SPTLC3: variants seen among roughly 807,000 people sequenced by gnomAD.
The protein encoded by SPTLC3 is serine palmitoyltransferase 3.
A neutral mutation model predicts 59.3 loss-of-function variants in SPTLC3; 36 were observed. The ratio of observed to expected loss-of-function variants is 0.61; its 90% CI spans 0.47 to 0.80. The LOEUF is 0.80. SPTLC3 is among the 30% of genes least tolerant of loss of function. The pLI is 0.00. For synonymous variants in SPTLC3, 257 were observed against 240.8 expected (o/e 1.07, Z -0.62); for missense variants, 625 against 685.1 (o/e 0.91, Z 0.98).
chr20:13,109,671 C>G (rs963606233), intron 6 of SPTLC3, among the ~76,000 whole-genome samples: 6 of 152,152 alleles, frequency 3.9e-5, no homozygotes, highest in African/African-American at 1.4e-4. Flanking sequence ...AATCAAGGCT[C>G]AAAGTGTAGG....
intron 1 of SPTLC3, among the ~76,000 whole-genome samples, chr20:13,013,362 G>A (rs980446158): frequency 1.3e-5 from 2 of 152,152 alleles, no homozygotes; most frequent in Admixed American, 6.6e-5. Context: ...CCTGACAGCC[G>A]TGGTAAGTAC....
intron 9 of SPTLC3, among the ~76,000 whole-genome samples, chr20:13,127,851 G>A (rs2038030464): frequency 6.6e-6 from 1 of 152,126 alleles, no homozygotes; most frequent in African/African-American, 2.4e-5. Context: ...CCTTTTCGGT[G>A]TTATGACTCT....
intron 1 of SPTLC3, among the ~76,000 whole-genome samples, chr20:13,026,535 G>A (rs1293242132): frequency 6.6e-6 from 1 of 152,146 alleles, no homozygotes; most frequent in Non-Finnish European, 1.5e-5. Context: ...TTTGAGAAGT[G>A]TCTGTTCGTG....
At chr20:13,147,876 A>T (rs534827394) in intron 9 of SPTLC3, among the ~76,000 whole-genome samples, 1 of 152,338 alleles carries the variant, frequency 6.6e-6, no homozygotes, top group South Asian at 2.1e-4. Context: ...TAGTAAAATA[A>T]GTCATCCCAT....
At chr20:13,048,919 C>G in intron 1 of SPTLC3, 26 bp from the exon 2 acceptor site, 1 of 1,526,540 alleles carries the variant, frequency 6.6e-7, no homozygotes, top group South Asian at 1.4e-5. Context: ...AGAATGCTAA[C>G]CTTGGATTTT....
chr20:13,130,565 C>A (rs534146969), intron 9 of SPTLC3, among the ~76,000 whole-genome samples: 1 of 152,356 alleles, frequency 6.6e-6, no homozygotes, highest in East Asian at 1.9e-4. Context: ...AGTGAAATGA[C>A]AATGTTTATG....
At chr20:13,109,483 T>TA (rs1250064125) in intron 6 of SPTLC3, among the ~76,000 whole-genome samples, 1 of 152,190 alleles carries the variant, frequency 6.6e-6, no homozygotes, top group Non-Finnish European at 1.5e-5. Context: ...AGATGGTTCT[T>TA]ATGAGGATTA....
intron 11 of SPTLC3, among the ~76,000 whole-genome samples, chr20:13,162,368 A>C (rs1481265698): frequency 6.6e-6 from 1 of 152,184 alleles, no homozygotes; most frequent in African/African-American, 2.4e-5. Flanking sequence ...ACAACTTCTT[A>C]ATTGCTGCAA....
At chr20:13,052,241 G>A (rs1013076642) in intron 2 of SPTLC3, among the ~76,000 whole-genome samples, 3 of 152,080 alleles carry the variant, frequency 2.0e-5, no homozygotes, top group Non-Finnish European at 2.9e-5. Context: ...AGCAGGGTGC[G>A]GCACTGCCTC....
chr20:13,067,972 C>A (rs1019834784), intron 2 of SPTLC3, among the ~76,000 whole-genome samples: 1 of 152,166 alleles, frequency 6.6e-6, no homozygotes, highest in Admixed American at 6.5e-5. Context: ...TGGATATGCT[C>A]TTTTCACTTT....
intron 4 of SPTLC3, among the ~76,000 whole-genome samples, chr20:13,086,408 G>A (rs1176369482): frequency 6.6e-6 from 1 of 152,168 alleles, no homozygotes; most frequent in Non-Finnish European, 1.5e-5. Flanking sequence ...AGTCCAATCT[G>A]ACTTTCAAAG....
chr20:13,074,282 G>A, intron 3 of SPTLC3, 67 bp from the exon 4 acceptor site: 4 of 1,582,552 alleles, frequency 2.5e-6, no homozygotes, highest in Non-Finnish European at 3.4e-6. Context: ...TCTTCCACCA[G>A]GGATTTTTTG....
intron 9 of SPTLC3, among the ~76,000 whole-genome samples, chr20:13,130,101 G>T (rs1447905628): frequency 2.0e-5 from 3 of 152,234 alleles, no homozygotes; most frequent in Non-Finnish European, 2.9e-5. Context: ...AGGTAGTTCT[G>T]CCTGACACAT....
At chr20:13,019,760 T>C (rs1985770255) in intron 1 of SPTLC3, among the ~76,000 whole-genome samples, 1 of 152,202 alleles carries the variant, frequency 6.6e-6, no homozygotes, top group Non-Finnish European at 1.5e-5. Context: ...GTCACCAAGA[T>C]TGTTCTCTAA....
At chr20:13,092,057 C>T (rs577362602) in intron 5 of SPTLC3, among the ~76,000 whole-genome samples, 3 of 152,244 alleles carry the variant, frequency 2.0e-5, no homozygotes, top group Admixed American at 6.5e-5. Flanking sequence ...CGAGGAAGGA[C>T]AAAGAGCTGC....
chr20:13,127,515 C>T, intron 9 of SPTLC3, among the ~76,000 whole-genome samples: 1 of 152,228 alleles, frequency 6.6e-6, no homozygotes, highest in Non-Finnish European at 1.5e-5. Context: ...TGCTTCAAGC[C>T]TGCTATTTCA....
intron 6 of SPTLC3, among the ~76,000 whole-genome samples, chr20:13,106,077 G>A (rs1989877137): frequency 6.6e-6 from 1 of 151,854 alleles, no homozygotes; most frequent in South Asian, 2.1e-4. Flanking sequence ...CACGCTCTTG[G>A]GAACGTTCAA....
intron 2 of SPTLC3, among the ~76,000 whole-genome samples, chr20:13,053,095 C>A (rs1337515734): frequency 6.6e-6 from 1 of 152,210 alleles, no homozygotes; most frequent in Non-Finnish European, 1.5e-5. Flanking sequence ...GGCCTCCTGA[C>A]TGGGAGACAC....
At chr20:13,052,899 G>A (rs547994957) in intron 2 of SPTLC3, among the ~76,000 whole-genome samples, 1 of 152,170 alleles carries the variant, frequency 6.6e-6, no homozygotes, top group Non-Finnish European at 1.5e-5. Context: ...CCAGTCAGGG[G>A]TTTATAGATG....
Sources: gnomAD v4.1 joint callset for allele counts (sites outside exome capture counted in the v4.1 genomes callset) on GRCh38, gnomAD v4.1.1 for gene constraint, MANE v1.5 for transcripts, NCBI Gene and HGNC (gene_info 2026-07-23, HGNC 2026-07-21) for gene names.